TSPEAR: variants seen among roughly 807,000 people sequenced by gnomAD.
TSPEAR encodes the protein thrombospondin-type laminin G domain and EAR repeat-containing protein.
In TSPEAR, 69 loss-of-function variants were observed where a neutral mutation model predicts 71.6. That is an observed-to-expected ratio of 0.96 (90% CI 0.79 to 1.18). The LOEUF is 1.18. TSPEAR is among the 50% of genes most tolerant of loss of function. The pLI is 0.00. For missense variants in TSPEAR, 971 were observed against 894.9 expected (o/e 1.09, Z -1.09); for synonymous variants, 402 against 387.2 (o/e 1.04, Z -0.45).
At chr21:44,579,187 G>T (rs1273378469) in intron 1 of TSPEAR, among the ~76,000 whole-genome samples, 2 of 152,148 alleles carry the variant, frequency 1.3e-5, no homozygotes, top group East Asian at 3.9e-4. Context: ...GGGACAGTGG[G>T]TGGGACAGTC....
chr21:44,697,315 G>A (rs1555950756), intron 1 of TSPEAR: 1 of 1,612,750 alleles, frequency 6.2e-7, no homozygotes. Flanking sequence ...GCTGCTGTGA[G>A]CCCCCCTGCT....
chr21:44,540,155 G>A, intron 2 of TSPEAR: 2 of 1,611,722 alleles, frequency 1.2e-6, no homozygotes, highest in Non-Finnish European at 1.7e-6. Context: ...GGCCATGCTG[G>A]GGTGGGGAGG....
chr21:44,589,096 A>C (rs1198270126), intron 1 of TSPEAR, among the ~76,000 whole-genome samples: 1 of 152,190 alleles, frequency 6.6e-6, no homozygotes, highest in Non-Finnish European at 1.5e-5. Context: ...ACAAATCAAC[A>C]CTAAATTACT....
At chr21:44,707,758 T>A (rs1349158565) in intron 1 of TSPEAR, among the ~76,000 whole-genome samples, 2 of 152,110 alleles carry the variant, frequency 1.3e-5, no homozygotes, top group African/African-American at 2.4e-5. Flanking sequence ...AGGTGATGGG[T>A]GAGGCGGCTA....
In TSPEAR at chr21:44,527,300, C is replaced by T. The variant is rs149868515; in HGVS notation, c.1141G>A (p.Gly381Arg). 89 of 1,614,066 alleles carry T rather than the reference C, an allele frequency of 5.5e-5. No individual in the cohort carries two copies. The African/African-American group carries it at 7.2e-4, about 13-fold the overall frequency. Reference protein sequence around the residue: ...QAQAWRHFTIGKKIFLAVANF... With the variant: ...QAQAWRHFTIRKKIFLAVANF... ...ACCGAACACAGACTTGCCTTTTTCC[C>T]GATGGTGAAATGCCTCCAGGCCTGT... is the stretch of plus-strand genomic sequence containing the variant. The change falls in exon 7 of 12, where the codon GGG (glycine) becomes AGG (arginine). Residue 381 changes from glycine to arginine, a missense_variant. Gly to Arg is a moderately radical substitution (Grantham distance 125, BLOSUM62 -2). Transcript: ENST00000323084.
At chr21:44,659,217 G>A (rs931740306) in intron 1 of TSPEAR, among the ~76,000 whole-genome samples, 4 of 152,138 alleles carry the variant, frequency 2.6e-5, no homozygotes, top group Non-Finnish European at 4.4e-5. Context: ...TCCTCTGAAC[G>A]TCAGGCATGC....
intron 9 of TSPEAR, among the ~76,000 whole-genome samples, chr21:44,511,330 C>T (rs1389769590): frequency 6.6e-6 from 1 of 152,006 alleles, no homozygotes; most frequent in Non-Finnish European, 1.5e-5. Flanking sequence ...TGCATGCATG[C>T]ATACACACAC....
chr21:44,662,677 A>G (rs1173669948), intron 1 of TSPEAR, among the ~76,000 whole-genome samples: 1 of 152,226 alleles, frequency 6.6e-6, no homozygotes, highest in Admixed American at 6.5e-5. Flanking sequence ...ATTCTTTTCA[A>G]GCACATGAAA....
At chr21:44,581,972 CT>C (rs1555925198) in intron 1 of TSPEAR, among the ~76,000 whole-genome samples, 2 of 152,148 alleles carry the variant, frequency 1.3e-5, no homozygotes, top group East Asian at 3.8e-4. Context: ...AAGAGCCTCC[CT>C]TTTTGTTAGA....
chr21:44,601,869 G>A (rs1980956346), intron 1 of TSPEAR: 16 of 1,232,878 alleles, frequency 1.3e-5, no homozygotes, highest in Non-Finnish European at 1.8e-5. Flanking sequence ...GCCATCCAGT[G>A]TGCGCTTCTC....
rs898005886 is a variant in TSPEAR at position 44,710,209 on chromosome 21, T to C, written c.82+1224A>G. Reference sequence around the variant, plus strand: ...GGATTTTGCTCTGCGACAAGCTGACTTGGCTCTCGTATTGTTTGCAGAATC... The same window carrying C: ...GGATTTTGCTCTGCGACAAGCTGACCTGGCTCTCGTATTGTTTGCAGAATC... On this transcript the variant is annotated intron_variant, in intron 1 of 11. Coordinates refer to ENST00000323084, the MANE Select transcript of TSPEAR (RefSeq NM_144991.3). This position sits in a 1 kb window ranked among gnomAD's most constrained non-coding sequence, Gnocchi z 4.6. 2.0e-5 allele frequency among the ~76,000 whole-genome samples: 3 copies of C among 152,200 alleles called. No individual in the cohort carries two copies. Among genetic ancestry groups the C allele is most frequent in the Admixed American group, 1.3e-4 (2 of 15,290 alleles).
intron 1 of TSPEAR, chr21:44,677,883 GC>G: frequency 1.5e-6 from 2 of 1,374,542 alleles, no homozygotes; most frequent in South Asian, 1.2e-5. Context: ...GAAATGGGAA[GC>G]CCATTTGGCA....
intron 1 of TSPEAR, among the ~76,000 whole-genome samples, chr21:44,577,863 C>T (rs1227757558): frequency 6.6e-6 from 1 of 152,096 alleles, no homozygotes; most frequent in Non-Finnish European, 1.5e-5. Context: ...TGGCTGTGTC[C>T]CCACCCAAAT....
rs190744673 is a variant in TSPEAR, at chr21:44,706,089, T to C, written c.82+5344A>G. ...GTGATTATCGGGGCAGGTCCCCCGA[T>C]AACCCCCAGCTGCAGATCGAGGCCT... On this transcript the variant is annotated intron_variant, in intron 1 of 11. Transcript: ENST00000323084. Among the ~76,000 whole-genome samples the C allele has an allele frequency of 1.7e-3, 264 of 152,250 alleles. 1 individual carries two copies. Among genetic ancestry groups the C allele is most frequent in the African/African-American group, 5.7e-3 (238 of 41,546 alleles).
chr21:44,528,706 C>T (rs1555915292), intron 5 of TSPEAR, 123 bp from the exon 6 acceptor site: 2 of 1,290,304 alleles, frequency 1.6e-6, no homozygotes, highest in Middle Eastern at 1.9e-4. Flanking sequence ...CCTGGAAGGG[C>T]CCCTGCAGGC....
At chr21:44,526,172 A>G (rs1284861676) in intron 7 of TSPEAR, among the ~76,000 whole-genome samples, 1 of 152,246 alleles carries the variant, frequency 6.6e-6, no homozygotes, top group African/African-American at 2.4e-5. Flanking sequence ...CCAGATGACC[A>G]GAAAAACGCA....
chr21:44,594,580 C>T (rs1411501728), intron 1 of TSPEAR, among the ~76,000 whole-genome samples: 1 of 152,166 alleles, frequency 6.6e-6, no homozygotes, highest in African/African-American at 2.4e-5. Flanking sequence ...GAAAACAGGT[C>T]GTATGTTACA....
rs782787263 is a variant in TSPEAR at position 44,695,311 on chromosome 21, A to G, written c.82+16122T>C. ...GTACGCAAGTGCACCACAGACTCTG[A>G]TATGTACAGAACAGGCCCCTGGGTC... On this transcript the variant is annotated intron_variant, in intron 1 of 11. Transcript: ENST00000323084. This position sits in a 1 kb window ranked among gnomAD's most constrained non-coding sequence, Gnocchi z 4.5. Among the ~76,000 whole-genome samples the G allele has an allele frequency of 1.3e-5, 2 of 152,044 alleles. No homozygotes were observed. The highest frequency in any genetic ancestry group is 4.8e-5 in the African/African-American group (2 of 41,388).
chr21:44,542,902 CA>C (rs1292508766), intron 2 of TSPEAR, among the ~76,000 whole-genome samples: 2 of 151,672 alleles, frequency 1.3e-5, no homozygotes, highest in African/African-American at 4.8e-5. Flanking sequence ...CAGAGGAAAA[CA>C]AGACATATTA....
Sources: gnomAD v4.1 joint callset for allele counts (sites outside exome capture counted in the v4.1 genomes callset) on GRCh38, gnomAD v4.1.1 for gene constraint, Gnocchi (gnomAD v3.1) non-coding constraint, MANE v1.5 for transcripts, NCBI Gene and HGNC (gene_info 2026-07-23, HGNC 2026-07-21) for gene names.